The following MCF2L variants were observed in gnomAD, a reference collection of about 807,000 sequenced individuals.
The protein encoded by MCF2L is guanine nucleotide exchange factor DBS.
A neutral mutation model predicts 153.4 loss-of-function variants in MCF2L; 97 were observed. The observed-to-expected ratio is 0.63, with a 90% confidence interval of 0.54 to 0.75. The LOEUF (loss-of-function observed/expected upper bound fraction) is 0.75, where lower values mean the gene tolerates loss of function less well. Among genes scored for constraint, MCF2L ranks in the 30% least tolerant of loss-of-function variants. The probability of loss-of-function intolerance (pLI) is 0.00; values close to 1 mark genes in which losing one functional copy is unlikely to be tolerated. For missense variants in MCF2L, 1,347 were observed against 1,495.2 expected (o/e 0.90, Z 1.64); for synonymous variants, 659 against 632.2 (o/e 1.04, Z -0.64).
chr13:113,032,589 G>C (rs1397145790), intron 3 of MCF2L, among the ~76,000 whole-genome samples: 1 of 152,104 alleles, frequency 6.6e-6, no homozygotes, highest in African/African-American at 2.4e-5. Flanking sequence ...CATGTTTTGA[G>C]ACAGGGTCTT....
At chr13:113,004,885 A>G (rs561938681) in intron 1 of MCF2L, among the ~76,000 whole-genome samples, 97 of 152,356 alleles carry the variant, frequency 6.4e-4, no homozygotes, top group Admixed American at 3.0e-3. Context: ...CAGCCCGTGC[A>G]TGCTGTTGGT....
chr13:113,060,415 A>T (rs1449721112), intron 4 of MCF2L, among the ~76,000 whole-genome samples, 178 bp from the exon 5 acceptor site: 1 of 152,184 alleles, frequency 6.6e-6, no homozygotes, highest in Non-Finnish European at 1.5e-5. Flanking sequence ...TAGAAAAGAG[A>T]TGCCTTTCAC....
rs147673784 is a variant in MCF2L at position 113,015,824 on chromosome 13, C to G, written c.163+978C>G. On this transcript the variant is annotated intron_variant, in intron 2 of 29. Coordinates refer to ENST00000535094, the MANE Select transcript of MCF2L (RefSeq NM_001112732.3). ...GGAGGAAGGAGAGAAAGCAGGGGGT[C>G]TCTGGAGAACTGAAAACTCCCAGAG... Among the ~76,000 whole-genome samples, 3 of 152,326 alleles carry G rather than the reference C, an allele frequency of 2.0e-5. No individual in the cohort carries two copies. The East Asian group carries it at 5.8e-4, about 29-fold the overall frequency.
At chr13:113,036,797 C>G (rs1485208918) in intron 3 of MCF2L, among the ~76,000 whole-genome samples, 1 of 152,274 alleles carries the variant, frequency 6.6e-6, no homozygotes, top group Non-Finnish European at 1.5e-5. Context: ...CAGACCCTGA[C>G]TCTCAGAGGA....
In MCF2L at chr13:113,056,769, G is replaced by A. The variant is rs533463855; in HGVS notation, c.370-3824G>A. Among the ~76,000 whole-genome samples, 87 of 137,716 alleles carry A rather than the reference G, an allele frequency of 6.3e-4. 4 individuals are homozygous for A. The South Asian group carries it at 0.021, about 33-fold the overall frequency. 90.3% of individuals were successfully genotyped at this position (137,716 alleles called of 152,430 possible). ...GCGCTGAGTGGGTGCTGTGTGTTTG[G>A]GTGCTGAGTGTTTTGGCACTGAGTG... On this transcript the variant is annotated intron_variant, in intron 4 of 29. Coordinates refer to ENST00000535094, the MANE Select transcript of MCF2L (RefSeq NM_001112732.3).
rs1156692959 is a variant in MCF2L at position 112,941,942 on chromosome 13, C to T, written c.169+39571C>T. Among the ~76,000 whole-genome samples, 1 of 152,208 alleles carries T rather than the reference C, an allele frequency of 6.6e-6. No individual in the cohort carries two copies. Among genetic ancestry groups the T allele is most frequent in the Non-Finnish European group, 1.5e-5 (1 of 68,044 alleles). ...GCACAGACAGGGCCACCAGAGGGCT[C>T]TTTGGTCTAGCGGTAACGCCAGCAT... is the stretch of plus-strand genomic sequence containing the variant. On this transcript the variant is annotated intron_variant, in intron 2 of 29. Transcript: ENST00000375608. The surrounding 1 kb of genome is among the most constrained non-coding windows in gnomAD (Gnocchi z 4.9).
At chr13:113,077,310 T>A in intron 13 of MCF2L, 99 bp downstream of exon 13, 1 of 1,342,802 alleles carries the variant, frequency 7.4e-7, no homozygotes, top group South Asian at 1.6e-5. Context: ...CTGCGAAAAC[T>A]GTCTCCACAC....
At chr13:112,982,444 GC>G (rs1315928148) in intron 1 of MCF2L, among the ~76,000 whole-genome samples, 1 of 152,220 alleles carries the variant, frequency 6.6e-6, no homozygotes, top group Non-Finnish European at 1.5e-5. Flanking sequence ...GATGGAGCGA[GC>G]CCAGGCTCCG....
Position 112,960,781 on chromosome 13 carries a change from C to T in MCF2L, c.170-53982C>T, listed in dbSNP as rs2081815824. Among the ~76,000 whole-genome samples, 2 of 152,142 alleles carry T rather than the reference C, an allele frequency of 1.3e-5. No individual in the cohort carries two copies. Among genetic ancestry groups the T allele is most frequent in the South Asian group, 2.1e-4 (1 of 4,830 alleles). On this transcript the variant is annotated intron_variant, in intron 2 of 29. Coordinates refer to the MCF2L transcript ENST00000375608. This position sits in a 1 kb window ranked among gnomAD's most constrained non-coding sequence, Gnocchi z 4.2. The stretch of plus-strand genomic sequence containing the variant: ...CTGCCTGCATTCCTGGGCTCATGGC[C>T]GCACCACCCAGACCCTTACATCCAT...
At chr13:113,005,954 G>A (rs2083668070) in intron 1 of MCF2L, among the ~76,000 whole-genome samples, 1 of 152,232 alleles carries the variant, frequency 6.6e-6, no homozygotes, top group African/African-American at 2.4e-5. Context: ...CCTGCACAGT[G>A]AACAGAGCTG....
intron 2 of MCF2L, among the ~76,000 whole-genome samples, chr13:112,961,536 G>A (rs1049446234): frequency 6.6e-6 from 1 of 152,230 alleles, no homozygotes; most frequent in Non-Finnish European, 1.5e-5. Flanking sequence ...TGGCCCTGCC[G>A]TTCCCTTCCT....
chr13:113,041,303 T>C (rs1450901964), intron 3 of MCF2L, among the ~76,000 whole-genome samples: 4 of 152,162 alleles, frequency 2.6e-5, no homozygotes, highest in Non-Finnish European at 5.9e-5. Context: ...AGATCCGAGC[T>C]CCGTGAGCCC....
intron 26 of MCF2L, chr13:113,090,911 C>T: frequency 8.4e-7 from 1 of 1,185,292 alleles, no homozygotes; most frequent in Non-Finnish European, 1.1e-6. Flanking sequence ...TGCCGCAGCC[C>T]CCACTCCCAT....
intron 2 of MCF2L, among the ~76,000 whole-genome samples, chr13:113,022,439 C>T (rs1419552176): frequency 7.1e-6 from 1 of 140,562 alleles, no homozygotes; most frequent in African/African-American, 2.6e-5. Flanking sequence ...TGCACAGGGA[C>T]GCAGGGGGTC....
In MCF2L at chr13:113,028,132, C is replaced by T. The variant is rs1254379077; in HGVS notation, c.278+3374C>T. On this transcript the variant is annotated intron_variant, in intron 3 of 29. Transcript: ENST00000535094. This position sits in a 1 kb window ranked among gnomAD's most constrained non-coding sequence, Gnocchi z 5.4. ...TGCTACTTGGAGCCATGAGCTGGGG[C>T]GCCTCCTGTTTGTTGAACCTTCCTG... is the stretch of plus-strand genomic sequence containing the variant. Among the ~76,000 whole-genome samples the T allele has an allele frequency of 1.3e-5, 2 of 152,152 alleles. No individual in the cohort carries two copies. Among genetic ancestry groups the T allele is most frequent in the African/African-American group, 2.4e-5 (1 of 41,444 alleles).
intron 1 of MCF2L, among the ~76,000 whole-genome samples, chr13:112,999,071 G>T (rs906399077): frequency 1.3e-5 from 2 of 152,192 alleles, no homozygotes; most frequent in African/African-American, 4.8e-5. Context: ...GCATTACTGT[G>T]GCCCCCCAGG....
chr13:112,977,807 A>G (rs2082266290), intron 1 of MCF2L, among the ~76,000 whole-genome samples: 1 of 152,238 alleles, frequency 6.6e-6, no homozygotes, highest in Admixed American at 6.5e-5. Context: ...TGAAACCAAC[A>G]TTTAGGGCTT....
intron 2 of MCF2L, among the ~76,000 whole-genome samples, chr13:113,019,091 G>T (rs1033969693): frequency 6.6e-6 from 1 of 152,150 alleles, no homozygotes; most frequent in Non-Finnish European, 1.5e-5. Context: ...TTCCCCAAGC[G>T]CTCGCTGCAC....
In MCF2L at chr13:112,919,360, T is replaced by C. The variant is rs924008044; in HGVS notation, c.169+16989T>C. 4.8e-4 allele frequency among the ~76,000 whole-genome samples: 72 copies of C among 151,214 alleles called. 1 individual carries two copies. The highest frequency in any genetic ancestry group is 1.4e-3 in the East Asian group (7 of 5,152). On this transcript the variant is annotated intron_variant, in intron 2 of 29. Coordinates refer to the MCF2L transcript ENST00000375608. ...AGCTGGGACTACAGGCGCCCGCCAC[T>C]ACGCCCGGCTAATTTTTTGTATTTT...
Sources: allele counts gnomAD v4.1 joint callset (sites outside exome capture counted in the v4.1 genomes callset), GRCh38; gene constraint gnomAD v4.1.1; non-coding constraint Gnocchi (gnomAD v3.1); transcripts MANE v1.5; gene names NCBI Gene and HGNC (gene_info 2026-07-23, HGNC 2026-07-21).